The following FRMD6 variants were observed in gnomAD, a reference collection of about 807,000 sequenced individuals.
FRMD6 encodes the protein FERM domain-containing protein 6.
In FRMD6, 37 loss-of-function variants were observed where a neutral mutation model predicts 73.2. That is an observed-to-expected ratio of 0.51 (90% CI 0.39 to 0.66). The LOEUF (loss-of-function observed/expected upper bound fraction) is 0.66, where lower values mean the gene tolerates loss of function less well. FRMD6 is among the 30% of genes least tolerant of loss of function. The pLI, the probability that FRMD6 is intolerant of heterozygous loss-of-function variation, is 0.00. For synonymous variants in FRMD6, 273 were observed against 282.2 expected, an observed-to-expected ratio of 0.97 and a Z score of 0.33; for missense variants, 714 against 780.5, an observed-to-expected ratio of 0.91 and a Z score of 1.02.
At chr14:51,519,416 C>T (rs1884822658) in intron 1 of FRMD6, among the ~76,000 whole-genome samples, 1 of 152,074 alleles carries the variant, frequency 6.6e-6, no homozygotes, top group South Asian at 2.1e-4. Context: ...TCCCAAAGTG[C>T]TGGGATTACA....
At chr14:51,695,658 T>A (rs1212524645) in intron 2 of FRMD6, among the ~76,000 whole-genome samples, 1 of 152,210 alleles carries the variant, frequency 6.6e-6, no homozygotes, top group Non-Finnish European at 1.5e-5. Flanking sequence ...CTTTCATTCA[T>A]CGAACATTTA....
chr14:51,426,715 T>G, the FRMD6 span, among the ~76,000 whole-genome samples: 1 of 152,174 alleles, frequency 6.6e-6, no homozygotes, highest in Non-Finnish European at 1.5e-5. Context: ...TTTAAGACCC[T>G]TCTCGTTCTC....
intron 2 of FRMD6, among the ~76,000 whole-genome samples, chr14:51,598,773 A>G (rs1344292190): frequency 1.3e-5 from 2 of 152,206 alleles, no homozygotes; most frequent in Non-Finnish European, 2.9e-5. Flanking sequence ...TATATATAAC[A>G]CATTTTCTTT....
chr14:51,720,251 GC>G lies in FRMD6; in HGVS notation c.1223del (p.Pro408GlnfsTer14). 1 of 1,613,990 alleles carries G rather than the reference GC, an allele frequency of 6.2e-7. No homozygotes were observed. Among genetic ancestry groups the G allele is most frequent in the South Asian group, 1.1e-5 (1 of 91,080 alleles). ...EADTKPRDTGPEDSYSSSAIH... is the reference protein window; with the variant it reads ...EADTKPRDTGXEDSYSSSAIH... ...CAGACACCAAGCCCCGGGACACGGG[GC>G]CAGAAGACAGCTACTCCAGCAGTGC... On this transcript the variant is annotated frameshift_variant, in exon 11 of 14. Transcript: ENST00000344768. LOFTEE classifies it high-confidence loss of function.
At chr14:51,604,567 C>A (rs759408191) in intron 2 of FRMD6, among the ~76,000 whole-genome samples, 10 of 152,034 alleles carry the variant, frequency 6.6e-5, no homozygotes, top group Non-Finnish European at 1.0e-4. Context: ...ACTAAAAAAA[C>A]TAATGATAAG....
At chr14:51,451,982 C>T in the FRMD6 span, among the ~76,000 whole-genome samples, 2 of 152,158 alleles carry the variant, frequency 1.3e-5, no homozygotes, top group Non-Finnish European at 2.9e-5. Flanking sequence ...TGGGCTTTAT[C>T]CCAAGCAATG....
chr14:51,456,292 C>A, the FRMD6 span, among the ~76,000 whole-genome samples: 6 of 152,070 alleles, frequency 3.9e-5, no homozygotes, highest in African/African-American at 1.4e-4. Flanking sequence ...ATAATGCCAT[C>A]CCTCCCCTAG....
At position 51,709,655 on chromosome 14, in the gene FRMD6, C is replaced by G. The variant is rs187866336; in HGVS notation, c.714+1422C>G. On this transcript the variant is annotated intron_variant, in intron 7 of 13. Transcript: ENST00000344768. ...TCCATAAGATCTGTTTGGCTAAATT[C>G]CTAAAGGACTGAGTTGTAATTTTTT... Among the ~76,000 whole-genome samples, 87 of 152,136 alleles carry G rather than the reference C, an allele frequency of 5.7e-4. 2 individuals carry two copies. The East Asian group carries it at 0.014, about 24-fold the overall frequency.
chr14:51,612,924 T>C lies in FRMD6; in HGVS notation c.-147+42514T>C, dbSNP rs1481439368. On this transcript the variant is annotated intron_variant, in intron 2 of 14. Transcript: ENST00000356218. ...TGCTATAAGAGTCCAAAAGTAGCTG[T>C]AGTTGAGCTAGTGATAATGTGGGGT... is the stretch of plus-strand genomic sequence containing the variant. Among the ~76,000 whole-genome samples the C allele has an allele frequency of 2.6e-5, 4 of 152,134 alleles. No homozygotes were observed. The East Asian group carries it at 7.7e-4, about 29-fold the overall frequency.
At chr14:51,723,274 A>G (rs1036468699) in intron 12 of FRMD6, among the ~76,000 whole-genome samples, 4 of 152,184 alleles carry the variant, frequency 2.6e-5, no homozygotes, top group African/African-American at 9.7e-5. Context: ...GCTTGTGGAA[A>G]GGAAATGGTC....
upstream of FRMD6, among the ~76,000 whole-genome samples, chr14:51,486,121 G>C (rs1469164489): frequency 6.6e-6 from 1 of 150,876 alleles, no homozygotes; most frequent in South Asian, 2.1e-4. Flanking sequence ...TGCAAGCTCC[G>C]CCTCCCGGGT....
chr14:51,542,592 T>C (rs1356691252), intron 1 of FRMD6, among the ~76,000 whole-genome samples: 1 of 152,080 alleles, frequency 6.6e-6, no homozygotes, highest in East Asian at 1.9e-4. Context: ...TATGAACATT[T>C]GTGTACAAGT....
chr14:51,503,510 C>T (rs1883741845), intron 1 of FRMD6, among the ~76,000 whole-genome samples: 1 of 152,108 alleles, frequency 6.6e-6, no homozygotes, highest in African/African-American at 2.4e-5. Context: ...GTTTATGTAA[C>T]TAATCACTTT....
chr14:51,558,472 AAAAC>A (rs1331138108), intron 1 of FRMD6, among the ~76,000 whole-genome samples: 1,741 of 151,638 alleles, frequency 0.011, 26 homozygotes, highest in African/African-American at 0.039. Context: ...TCTCAAAAAA[AAAAC>A]AAAAAACAAA....
chr14:51,409,859 G>A, the FRMD6 span, among the ~76,000 whole-genome samples: 2 of 152,178 alleles, frequency 1.3e-5, no homozygotes, highest in Admixed American at 1.3e-4. Context: ...AAAGTGCTGG[G>A]ATTACAGGTG....
chr14:51,499,015 G>T (rs544024459), intron 1 of FRMD6, among the ~76,000 whole-genome samples: 1 of 152,302 alleles, frequency 6.6e-6, no homozygotes, highest in South Asian at 2.1e-4. Flanking sequence ...ACCCATGCTT[G>T]CTCAATCTAA....
chr14:51,688,262 G>A lies in FRMD6; in HGVS notation c.-146-1429G>A, dbSNP rs571775437. On this transcript the variant is annotated intron_variant, in intron 1 of 13. Transcript: ENST00000344768. ...ATGTACTGGCTATAACCTAACATGA[G>A]ATGATTATTATTAAGAAAAGCAGAA... is the stretch of plus-strand genomic sequence containing the variant. 1.8e-4 allele frequency among the ~76,000 whole-genome samples: 28 copies of A among 152,188 alleles called. 1 individual carries two copies. The South Asian group carries it at 5.4e-3, about 29-fold the overall frequency.
chr14:51,593,378 CAAAT>C, intron 2 of FRMD6, among the ~76,000 whole-genome samples: 1 of 152,322 alleles, frequency 6.6e-6, no homozygotes, highest in South Asian at 2.1e-4. Context: ...GAAGCAAAGA[CAAAT>C]AAATCCTAAT....
At chr14:51,569,507 CTT>C (rs34661155) in intron 1 of FRMD6, among the ~76,000 whole-genome samples, 45,456 of 122,244 alleles carry the variant, frequency 0.37, 5,521 homozygotes, top group Admixed American at 0.41. Flanking sequence ...TTCTTTCTTT[CTT>C]TTTTTTTTTT....
Sources: allele counts gnomAD v4.1 joint callset (sites outside exome capture counted in the v4.1 genomes callset), GRCh38; gene constraint gnomAD v4.1.1; transcripts MANE v1.5; gene names NCBI Gene and HGNC (gene_info 2026-07-23, HGNC 2026-07-21).